Variants in ZNF536 observed in about 807,000 individuals in gnomAD.
ZNF536 encodes zinc finger protein 536.
Under a neutral mutation model 84.5 loss-of-function variants are expected in ZNF536, and 13 were observed. The ratio of observed to expected loss-of-function variants is 0.15; its 90% CI spans 0.10 to 0.24. The LOEUF is 0.24. Among genes scored for constraint, ZNF536 ranks in the 10% least tolerant of loss-of-function variants. The pLI is 1.00. For synonymous variants in ZNF536, 811 were observed against 742.5 expected, an observed-to-expected ratio of 1.09 and a Z score of -1.50; for missense variants, 1,536 against 1,747.5, an observed-to-expected ratio of 0.88 and a Z score of 2.16.
intron 1 of ZNF536, among the ~76,000 whole-genome samples, chr19:30,391,207 G>C (rs1247463196): frequency 6.6e-6 from 1 of 152,228 alleles, no homozygotes; most frequent in Non-Finnish European, 1.5e-5. Context: ...ACCACAGGAT[G>C]TCTTGCCCAT....
intron 1 of ZNF536, among the ~76,000 whole-genome samples, chr19:30,659,845 A>C (rs1368136518): frequency 6.6e-6 from 1 of 151,638 alleles, no homozygotes; most frequent in Non-Finnish European, 1.5e-5. Context: ...ACACAGATCC[A>C]ACCATATCAT....
intron 2 of ZNF536, among the ~76,000 whole-genome samples, chr19:30,504,789 C>T (rs1427096212): frequency 6.6e-6 from 1 of 151,916 alleles, no homozygotes; most frequent in African/African-American, 2.4e-5. Flanking sequence ...GCCTACTCTC[C>T]CCATTTTACA....
intron 2 of ZNF536, among the ~76,000 whole-genome samples, chr19:30,326,811 T>TTTTTTTTTG (rs1568334004): frequency 7.5e-6 from 1 of 134,082 alleles, no homozygotes; most frequent in Non-Finnish European, 1.6e-5. Context: ...TTTTTTTTTT[T>TTTTTTTTTG]TTTTTTTGTT....
intron 1 of ZNF536, among the ~76,000 whole-genome samples, chr19:30,255,537 G>T (rs1380552081): frequency 6.6e-6 from 1 of 152,164 alleles, no homozygotes; most frequent in East Asian, 1.9e-4. Context: ...AGGTTTTCCA[G>T]AAATGCAGGA....
At position 30,548,080 on chromosome 19, in the gene ZNF536, C is replaced by T. The variant is rs1251702876; in HGVS notation, c.2461C>T (p.His821Tyr). 1 of 1,614,028 alleles carries T rather than the reference C, an allele frequency of 6.2e-7. No individual in the cohort carries two copies. Among genetic ancestry groups the T allele is most frequent in the Admixed American group, 1.7e-5 (1 of 60,000 alleles). Residue 821 changes from histidine to tyrosine, a missense_variant, in exon 4 of 5, where the codon CAC becomes TAC. Physicochemically the swap from His to Tyr is moderately conservative, Grantham distance 83. This residue lies in a region of ZNF536 where 148 missense variants were observed against 205.4 expected (regional missense o/e 0.72). Transcript: ENST00000355537. ...GTCTGGGCAACCCCCAAATCAAGAC[C>T]ACAAGGATGAGATGTCAAGCAAAGC... ...PLSGQPPNQDHKDEMSSKASL... is the reference protein window; with the variant it reads ...PLSGQPPNQDYKDEMSSKASL...
chr19:30,583,252 A>G (rs1213996523), intron 1 of ZNF536, among the ~76,000 whole-genome samples: 1 of 152,196 alleles, frequency 6.6e-6, no homozygotes, highest in Admixed American at 6.5e-5. Flanking sequence ...GAGTCACAGG[A>G]GGACAGTCCC....
chr19:30,577,143 T>C (rs868188179), intron 1 of ZNF536, among the ~76,000 whole-genome samples: 2 of 152,240 alleles, frequency 1.3e-5, no homozygotes, highest in African/African-American at 2.4e-5. Context: ...TTCTCCTTCA[T>C]TTTAATACCC....
intron 1 of ZNF536, among the ~76,000 whole-genome samples, chr19:30,681,498 C>T (rs942856254): frequency 3.3e-5 from 5 of 152,264 alleles, no homozygotes; most frequent in South Asian, 2.1e-4. Context: ...AAGAGCTCTC[C>T]GCATGAAGCG....
intron 3 of ZNF536, among the ~76,000 whole-genome samples, chr19:30,364,465 C>G (rs1350190211): frequency 6.6e-6 from 1 of 152,138 alleles, no homozygotes; most frequent in Non-Finnish European, 1.5e-5. Flanking sequence ...GGTCAGTGAG[C>G]CAAGATCCCA....
At chr19:30,265,889 T>TTTTC (rs945457586) in intron 1 of ZNF536, among the ~76,000 whole-genome samples, 1 of 147,726 alleles carries the variant, frequency 6.8e-6, no homozygotes, top group African/African-American at 2.5e-5. Context: ...TTCTCTTTTC[T>TTTTC]TTTTTTTTTC....
At chr19:30,523,572 A>G (rs756786359) in intron 2 of ZNF536, among the ~76,000 whole-genome samples, 2 of 152,172 alleles carry the variant, frequency 1.3e-5, no homozygotes, top group Non-Finnish European at 2.9e-5. Flanking sequence ...CAAGATGGAG[A>G]AGCCTTTGGA....
chr19:30,373,966 T>G (rs1367292259), intron 1 of ZNF536, among the ~76,000 whole-genome samples: 1 of 152,212 alleles, frequency 6.6e-6, no homozygotes, highest in Non-Finnish European at 1.5e-5. Flanking sequence ...TTTCCGGGCC[T>G]GCAGTCAATT....
intron 1 of ZNF536, among the ~76,000 whole-genome samples, chr19:30,650,807 C>A (rs531240078): frequency 1.4e-4 from 21 of 152,304 alleles, no homozygotes; most frequent in African/African-American, 4.8e-4. Context: ...AATGGCAAAG[C>A]CCTCACCAAT....
intron 1 of ZNF536, among the ~76,000 whole-genome samples, chr19:30,239,024 C>T (rs189928429): frequency 5.8e-4 from 89 of 152,224 alleles, no homozygotes; most frequent in African/African-American, 2.1e-3. Context: ...GAACAGAGCT[C>T]CTTTACTTTC....
chr19:30,686,752 G>A (rs1415286079), intron 1 of ZNF536, among the ~76,000 whole-genome samples: 8 of 152,002 alleles, frequency 5.3e-5, no homozygotes, highest in Non-Finnish European at 1.2e-4. Context: ...CACTCTCATC[G>A]CCTTCATTAT....
chr19:30,529,833 T>C (rs902159300), intron 2 of ZNF536, among the ~76,000 whole-genome samples: 1 of 152,078 alleles, frequency 6.6e-6, no homozygotes, highest in Non-Finnish European at 1.5e-5. Context: ...TCTAGGAGGG[T>C]TGCAAATATG....
intron 1 of ZNF536, among the ~76,000 whole-genome samples, chr19:30,586,619 T>A (rs2047106027): frequency 1.3e-5 from 2 of 152,214 alleles, no homozygotes; most frequent in South Asian, 4.1e-4. Flanking sequence ...GCCAGCCAAC[T>A]TCTAGAGGAT....
chr19:30,528,430 G>A (rs182128752), intron 2 of ZNF536, among the ~76,000 whole-genome samples: 30 of 152,180 alleles, frequency 2.0e-4, no homozygotes, highest in South Asian at 6.2e-4. Context: ...TGAGTTAATT[G>A]GACTCCCTGG....
At chr19:30,368,299 A>G (rs2048503311), upstream of ZNF536, among the ~76,000 whole-genome samples, 1 of 152,172 alleles carries the variant, frequency 6.6e-6, no homozygotes, top group African/African-American at 2.4e-5. Flanking sequence ...TCTTTTGACC[A>G]TATCTTTCCT....
Sources: allele counts gnomAD v4.1 joint callset (sites outside exome capture counted in the v4.1 genomes callset), GRCh38; gene constraint gnomAD v4.1.1; regional missense constraint gnomAD v4.1.1; transcripts MANE v1.5; gene names NCBI Gene and HGNC (gene_info 2026-07-23, HGNC 2026-07-21).